Variants in ST6GALNAC3 observed in about 807,000 individuals in gnomAD.
The protein encoded by ST6GALNAC3 is ST6 N-acetylgalactosaminide alpha-2,6-sialyltransferase 3, also known as alpha-N-acetylgalactosaminide alpha-2,6-sialyltransferase 3.
ST6GALNAC3 carries 25 observed loss-of-function variants against 32.7 expected under a neutral mutation model. The observed-to-expected ratio is 0.76, with a 90% CI of 0.56 to 1.07. The LOEUF is 1.07. Among genes scored for constraint, ST6GALNAC3 ranks in the 50% least tolerant of loss-of-function variants. The pLI, the probability that ST6GALNAC3 is intolerant of heterozygous loss-of-function variation, is 0.00. For missense variants in ST6GALNAC3, 355 were observed against 382.4 expected (o/e 0.93, Z 0.60); for synonymous variants, 129 against 133.1 (o/e 0.97, Z 0.21).
intron 3 of ST6GALNAC3, among the ~76,000 whole-genome samples, chr1:76,556,254 A>G (rs746538040): frequency 2.0e-5 from 3 of 152,170 alleles, no homozygotes; most frequent in Non-Finnish European, 4.4e-5. Flanking sequence ...GGACATATAC[A>G]CATACATTTT....
At chr1:76,215,249 C>T (rs1383564875) in intron 1 of ST6GALNAC3, among the ~76,000 whole-genome samples, 1 of 152,148 alleles carries the variant, frequency 6.6e-6, no homozygotes, top group Non-Finnish European at 1.5e-5. Context: ...ATTAAGAAAA[C>T]TGCAACAGTA....
At chr1:76,192,809 C>A (rs923245) in intron 1 of ST6GALNAC3, among the ~76,000 whole-genome samples, 112,499 of 152,080 alleles carry the variant, frequency 0.74, 42,653 homozygotes, top group East Asian at 0.95. Context: ...CTTGTTCTCA[C>A]CCACTGGTCT....
intron 3 of ST6GALNAC3, among the ~76,000 whole-genome samples, chr1:76,529,600 C>T (rs146770105): frequency 6.6e-6 from 1 of 152,264 alleles, no homozygotes; most frequent in East Asian, 1.9e-4. Context: ...TTTTCTCATA[C>T]CAGTCATGTA....
chr1:76,156,481 A>T (rs1163285518), intron 1 of ST6GALNAC3, among the ~76,000 whole-genome samples: 1 of 151,630 alleles, frequency 6.6e-6, no homozygotes, highest in East Asian at 1.9e-4. Flanking sequence ...ATCAATATGG[A>T]CTCATAGAGA....
At chr1:76,541,935 C>T (rs1415610109) in intron 3 of ST6GALNAC3, among the ~76,000 whole-genome samples, 1 of 152,154 alleles carries the variant, frequency 6.6e-6, no homozygotes, top group African/African-American at 2.4e-5. Context: ...CTATTCACCC[C>T]TTCTGTCTTA....
chr1:76,194,780 A>G (rs1654099316), intron 1 of ST6GALNAC3, among the ~76,000 whole-genome samples: 1 of 152,192 alleles, frequency 6.6e-6, no homozygotes, highest in South Asian at 2.1e-4. Context: ...CTGTTTTGTT[A>G]CTACAGCAAA....
At chr1:76,276,573 T>A (rs1193646024) in intron 1 of ST6GALNAC3, among the ~76,000 whole-genome samples, 1 of 152,184 alleles carries the variant, frequency 6.6e-6, no homozygotes, top group Non-Finnish European at 1.5e-5. Context: ...GTGTTGTTGA[T>A]AAACTGTTAA....
intron 3 of ST6GALNAC3, among the ~76,000 whole-genome samples, chr1:76,413,289 G>A (rs916065235): frequency 3.3e-5 from 5 of 152,018 alleles, no homozygotes; most frequent in East Asian, 1.9e-4. Flanking sequence ...TATATCTAGC[G>A]CTAATAAAGA....
chr1:76,112,849 C>G (rs916924494), intron 1 of ST6GALNAC3, among the ~76,000 whole-genome samples: 6 of 151,500 alleles, frequency 4.0e-5, no homozygotes, highest in African/African-American at 1.2e-4. Flanking sequence ...TCCTCACTTT[C>G]CAGACTGGGC....
rs1472545640 is a variant in ST6GALNAC3 at position 76,494,468 on chromosome 1, T to TATAC, written c.623+82052_623+82053insTACA. 2.8e-3 allele frequency among the ~76,000 whole-genome samples: 164 copies of TATAC among 59,512 alleles called. 18 individuals carry two copies. The highest frequency in any genetic ancestry group is 3.8e-3 in the Admixed American group (17 of 4,472). The allele number at this position is 59,512 out of a possible 152,430, so 39.0% of individuals were successfully genotyped here. On this transcript the variant is annotated intron_variant, in intron 3 of 4. Transcript: ENST00000328299. ...ATATATATATATATATATATATATA[T>TATAC]ACACACACACACACACACTTTCCCT...
chr1:76,208,419 T>A (rs948825096), intron 1 of ST6GALNAC3, among the ~76,000 whole-genome samples: 1 of 152,268 alleles, frequency 6.6e-6, no homozygotes, highest in Non-Finnish European at 1.5e-5. Flanking sequence ...GATTAAAGTC[T>A]ATGAAAAGAT....
intron 3 of ST6GALNAC3, among the ~76,000 whole-genome samples, chr1:76,589,276 A>G (rs969764032): frequency 2.0e-5 from 3 of 152,180 alleles, no homozygotes; most frequent in East Asian, 3.9e-4. Flanking sequence ...ATTTCACATG[A>G]CAAGTACTTT....
intron 2 of ST6GALNAC3, among the ~76,000 whole-genome samples, chr1:76,316,253 T>C (rs557876017): frequency 6.6e-6 from 1 of 152,238 alleles, no homozygotes; most frequent in African/African-American, 2.4e-5. Flanking sequence ...AAGATTTACA[T>C]GCTGTATGCC....
intron 3 of ST6GALNAC3, among the ~76,000 whole-genome samples, chr1:76,552,171 A>G (rs1664676904): frequency 6.6e-6 from 1 of 152,142 alleles, no homozygotes. Context: ...CTCTGGAGCA[A>G]TGCTGTCATG....
At chr1:76,574,575 A>C (rs1646771007) in intron 3 of ST6GALNAC3, among the ~76,000 whole-genome samples, 1 of 152,016 alleles carries the variant, frequency 6.6e-6, no homozygotes, top group South Asian at 2.1e-4. Flanking sequence ...TCCAATTTTC[A>C]AAATGATCTT....
At chr1:76,251,580 C>T (rs1476906953) in intron 1 of ST6GALNAC3, among the ~76,000 whole-genome samples, 1 of 152,172 alleles carries the variant, frequency 6.6e-6, no homozygotes, top group Non-Finnish European at 1.5e-5. Flanking sequence ...TTTCTTTTGA[C>T]TGTTTGGTAA....
intron 1 of ST6GALNAC3, among the ~76,000 whole-genome samples, chr1:76,185,797 C>A (rs1382483409): frequency 6.6e-6 from 1 of 152,110 alleles, no homozygotes. Context: ...ATTCAACTAA[C>A]CTTGGATCGA....
intron 3 of ST6GALNAC3, among the ~76,000 whole-genome samples, chr1:76,625,579 A>G (rs1027075550): frequency 3.3e-5 from 5 of 151,864 alleles, no homozygotes; most frequent in Non-Finnish European, 7.4e-5. Flanking sequence ...TTTTGTCAAG[A>G]CTCTTGCCTC....
intron 3 of ST6GALNAC3, among the ~76,000 whole-genome samples, chr1:76,423,687 G>C (rs1655179489): frequency 6.6e-6 from 1 of 151,928 alleles, no homozygotes; most frequent in Non-Finnish European, 1.5e-5. Flanking sequence ...GTTATTACTA[G>C]ATAACTCATG....
Sources: allele counts gnomAD v4.1 joint callset (sites outside exome capture counted in the v4.1 genomes callset), GRCh38; gene constraint gnomAD v4.1.1; transcripts MANE v1.5; gene names NCBI Gene and HGNC (gene_info 2026-07-23, HGNC 2026-07-21).